GLIPR1L2: variants seen among roughly 807,000 people sequenced by gnomAD.
The protein encoded by GLIPR1L2 is GLIPR1-like protein 2.
GLIPR1L2 carries 21 observed loss-of-function variants against 28.4 expected under a neutral mutation model. That is an observed-to-expected ratio of 0.74 (90% CI 0.52 to 1.06). The LOEUF (loss-of-function observed/expected upper bound fraction) is 1.06. Among genes scored for constraint, GLIPR1L2 ranks in the 50% least tolerant of loss-of-function variants. The pLI is 0.00. For missense variants in GLIPR1L2, 476 were observed against 416.9 expected (o/e 1.14, Z -1.23); for synonymous variants, 145 against 139.3 (o/e 1.04, Z -0.29).
chr12:75,412,357 A>G (rs1212706556), intron 2 of GLIPR1L2, among the ~76,000 whole-genome samples: 1 of 152,088 alleles, frequency 6.6e-6, no homozygotes, highest in Non-Finnish European at 1.5e-5. Flanking sequence ...ATCTAATTAA[A>G]CTAAAAAGCT....
chr12:75,401,293 T>G (rs1376556117), intron 1 of GLIPR1L2, among the ~76,000 whole-genome samples: 1 of 151,186 alleles, frequency 6.6e-6, no homozygotes, highest in East Asian at 1.9e-4. Context: ...ATAAAAATAT[T>G]TATGAAACTT....
intron 1 of GLIPR1L2, among the ~76,000 whole-genome samples, chr12:75,398,892 C>A (rs2139921931): frequency 6.6e-6 from 1 of 151,998 alleles, no homozygotes; most frequent in South Asian, 2.1e-4. Flanking sequence ...TTATCTAGAC[C>A]AAAAACACAA....
At chr12:75,428,044 A>T (rs2046052064) in intron 4 of GLIPR1L2, among the ~76,000 whole-genome samples, 1 of 152,216 alleles carries the variant, frequency 6.6e-6, no homozygotes, top group South Asian at 2.1e-4. Flanking sequence ...ATGTGGAAGC[A>T]ACTTTGGAAC....
At chr12:75,398,346 A>AAAAAAG (rs1566063964) in intron 1 of GLIPR1L2, among the ~76,000 whole-genome samples, 2 of 151,784 alleles carry the variant, frequency 1.3e-5, no homozygotes, top group African/African-American at 4.8e-5. Context: ...AAAAAAAAAA[A>AAAAAAG]AAAAACTTTT....
At chr12:75,425,940 A>G (rs952118483) in intron 4 of GLIPR1L2, among the ~76,000 whole-genome samples, 1 of 152,146 alleles carries the variant, frequency 6.6e-6, no homozygotes, top group Non-Finnish European at 1.5e-5. Flanking sequence ...TAATAAACAT[A>G]TATATAAATG....
At chr12:75,397,790 T>C (rs1444313538) in intron 1 of GLIPR1L2, among the ~76,000 whole-genome samples, 1 of 152,144 alleles carries the variant, frequency 6.6e-6, no homozygotes, top group Non-Finnish European at 1.5e-5. Context: ...GGTTTGGTGG[T>C]CTGCTTCATT....
At chr12:75,406,954 G>T (rs895005830) in intron 1 of GLIPR1L2, among the ~76,000 whole-genome samples, 1 of 151,908 alleles carries the variant, frequency 6.6e-6, no homozygotes. Context: ...ACCTAGCCCA[G>T]TTTAAGGAGA....
chr12:75,413,789 T>C, intron 3 of GLIPR1L2, 88 bp downstream of exon 3: 1 of 572,092 alleles, frequency 1.7e-6, no homozygotes, highest in Non-Finnish European at 3.0e-6. Flanking sequence ...TTTATAAGTG[T>C]TTTTGAACTA....
chr12:75,420,955 G>T (rs1193431766), intron 3 of GLIPR1L2, among the ~76,000 whole-genome samples: 1 of 152,110 alleles, frequency 6.6e-6, no homozygotes, highest in East Asian at 1.9e-4. Context: ...TTGTTTATTT[G>T]CCTTCCCACA....
At chr12:75,404,783 C>T (rs2139931884) in intron 1 of GLIPR1L2, among the ~76,000 whole-genome samples, 1 of 152,156 alleles carries the variant, frequency 6.6e-6, no homozygotes, top group South Asian at 2.1e-4. Context: ...AAGGAAATAA[C>T]TTGAGATGCT....
At chr12:75,414,080 T>C (rs1357094632) in intron 3 of GLIPR1L2, among the ~76,000 whole-genome samples, 2 of 152,054 alleles carry the variant, frequency 1.3e-5, no homozygotes, top group Non-Finnish European at 2.9e-5. Context: ...TTTTGTAACA[T>C]GAAGAACACT....
At chr12:75,425,468 G>T (rs949836958) in intron 4 of GLIPR1L2, among the ~76,000 whole-genome samples, 1 of 152,172 alleles carries the variant, frequency 6.6e-6, no homozygotes, top group Non-Finnish European at 1.5e-5. Context: ...GGGCCCAAGT[G>T]GGGTAAGGAA....
chr12:75,403,568 G>A (rs1469723436), intron 1 of GLIPR1L2, among the ~76,000 whole-genome samples: 1 of 152,088 alleles, frequency 6.6e-6, no homozygotes, highest in Non-Finnish European at 1.5e-5. Context: ...TTGTTGGTGT[G>A]AATTTAACTA....
At chr12:75,392,218 AAATT>A (rs2045624803) in intron 1 of GLIPR1L2, among the ~76,000 whole-genome samples, 1 of 152,238 alleles carries the variant, frequency 6.6e-6, no homozygotes, top group African/African-American at 2.4e-5. Context: ...TGGGATAAAT[AAATT>A]AAGGGTATGA....
chr12:75,425,895 G>T (rs2046029691), intron 4 of GLIPR1L2, among the ~76,000 whole-genome samples: 1 of 152,068 alleles, frequency 6.6e-6, no homozygotes, highest in Non-Finnish European at 1.5e-5. Flanking sequence ...TTATGGTGGT[G>T]AATTGGAATT....
chr12:75,392,582 A>G (rs954759029), intron 1 of GLIPR1L2, among the ~76,000 whole-genome samples: 1 of 152,070 alleles, frequency 6.6e-6, no homozygotes, highest in African/African-American at 2.4e-5. Flanking sequence ...TCAATTATAG[A>G]GTTTGGGGAT....
At chr12:75,423,428 A>C in intron 4 of GLIPR1L2, 1 of 935,832 alleles carries the variant, frequency 1.1e-6, no homozygotes, top group Non-Finnish European at 1.3e-6. Context: ...AAAAGTAGAA[A>C]ATATGTTTGA....
At chr12:75,430,471 C>T (rs2046080183) in intron 4 of GLIPR1L2, among the ~76,000 whole-genome samples, 1 of 152,114 alleles carries the variant, frequency 6.6e-6, no homozygotes, top group Non-Finnish European at 1.5e-5. Flanking sequence ...GACATAAAGC[C>T]AGAATTAGCA....
intron 3 of GLIPR1L2, among the ~76,000 whole-genome samples, chr12:75,420,244 G>A (rs1339494591): frequency 6.6e-6 from 1 of 152,182 alleles, no homozygotes; most frequent in African/African-American, 2.4e-5. Flanking sequence ...GTAATTGCTA[G>A]GTTGTCAAGC....
Sources: allele counts gnomAD v4.1 joint callset (sites outside exome capture counted in the v4.1 genomes callset), GRCh38; gene constraint gnomAD v4.1.1; transcripts MANE v1.5; gene names NCBI Gene and HGNC (gene_info 2026-07-23, HGNC 2026-07-21).